The following SEMA6D variants were observed in gnomAD, a reference collection of about 807,000 sequenced individuals.
SEMA6D encodes the protein semaphorin 6D, also known as semaphorin-6D.
In SEMA6D, 35 loss-of-function variants were observed where a neutral mutation model predicts 106.6. That is an observed-to-expected ratio of 0.33 (90% CI 0.25 to 0.44). SEMA6D has a LOEUF of 0.44. SEMA6D is among the 20% of genes least tolerant of loss of function. The pLI is 1.00. For missense variants in SEMA6D, 1,185 were observed against 1,345.9 expected, an observed-to-expected ratio of 0.88 and a Z score of 1.87; for synonymous variants, 499 against 487.7, an observed-to-expected ratio of 1.02 and a Z score of -0.31.
At chr15:47,206,769 A>G (rs970816537) in intron 1 of SEMA6D, among the ~76,000 whole-genome samples, 9 of 152,048 alleles carry the variant, frequency 5.9e-5, no homozygotes, top group South Asian at 2.1e-4. Context: ...CACTTAGCCA[A>G]CGGCATTCCT....
At chr15:47,247,274 A>G (rs774792338) in intron 1 of SEMA6D, among the ~76,000 whole-genome samples, 18 of 152,192 alleles carry the variant, frequency 1.2e-4, no homozygotes, top group South Asian at 2.1e-4. Context: ...AAGGTATTTC[A>G]TGCAGGTTAT....
chr15:47,610,970 G>A (rs886544928), intron 4 of SEMA6D, among the ~76,000 whole-genome samples: 6 of 152,164 alleles, frequency 3.9e-5, no homozygotes, highest in South Asian at 2.1e-4. Flanking sequence ...TATGCTCAGA[G>A]CATATGTCTT....
intron 2 of SEMA6D, among the ~76,000 whole-genome samples, chr15:47,414,308 A>G (rs887765079): frequency 6.6e-6 from 1 of 152,202 alleles, no homozygotes; most frequent in Non-Finnish European, 1.5e-5. Flanking sequence ...CCTAACTTCT[A>G]TACATAAGTC....
At position 47,763,045 on chromosome 15, in the gene SEMA6D, G is replaced by T; in HGVS notation, c.688G>T (p.Gly230Ter). The T allele has an allele frequency of 1.2e-6, 2 of 1,611,590 alleles. No individual in the cohort carries two copies. The highest frequency in any genetic ancestry group is 1.7e-6 in the Non-Finnish European group (2 of 1,178,842). Residue 230 changes from glycine (G) to a stop codon, truncating the protein, a stop_gained, in exon 9 of 19, where the codon GGA (glycine) becomes TGA (stop). Coordinates refer to ENST00000536845, the MANE Select transcript of SEMA6D (RefSeq NM_001358351.3). LOFTEE classifies it high-confidence loss of function. ...ACACTTTCTTCATGCCATAGAATAT[G>T]GAAACTATGTCTATTTCTTCTTTCG... ...EPHFLHAIEY[G>*]NYVYFFFREI...
At chr15:47,281,721 T>C (rs186564763) in intron 1 of SEMA6D, among the ~76,000 whole-genome samples, 1 of 152,154 alleles carries the variant, frequency 6.6e-6, no homozygotes, top group Non-Finnish European at 1.5e-5. Context: ...AATGTTAACA[T>C]AAATTTTATT....
chr15:47,255,340 T>A (rs2033748810), intron 1 of SEMA6D, among the ~76,000 whole-genome samples: 1 of 152,072 alleles, frequency 6.6e-6, no homozygotes, highest in Admixed American at 6.5e-5. Context: ...TCTTTTTTTC[T>A]TAGTGTAGCT....
chr15:47,471,927 TCTCTCACACA>T (rs1236417733), intron 3 of SEMA6D, among the ~76,000 whole-genome samples: 16 of 113,956 alleles, frequency 1.4e-4, no homozygotes, highest in African/African-American at 4.5e-4. Flanking sequence ...TCTCTCTCTC[TCTCTCACACA>T]CACACACACA....
chr15:47,454,433 AATAG>A (rs2042282681), intron 2 of SEMA6D, among the ~76,000 whole-genome samples: 2 of 151,998 alleles, frequency 1.3e-5, no homozygotes, highest in Non-Finnish European at 1.5e-5. Context: ...TTTCTGGGGC[AATAG>A]ATAGATCGCT....
chr15:47,322,860 A>G (rs2036976115), intron 1 of SEMA6D, among the ~76,000 whole-genome samples: 2 of 152,194 alleles, frequency 1.3e-5, no homozygotes, highest in African/African-American at 4.8e-5. Flanking sequence ...CTAAGAGAAC[A>G]TATTTCTATG....
intron 3 of SEMA6D, among the ~76,000 whole-genome samples, chr15:47,581,134 G>T (rs2076247628): frequency 6.6e-6 from 1 of 152,094 alleles, no homozygotes; most frequent in Admixed American, 6.5e-5. Flanking sequence ...CTTTTTCAGG[G>T]TACAGTAGTA....
chr15:47,644,789 CAG>C (rs1414175392), intron 4 of SEMA6D, among the ~76,000 whole-genome samples: 2 of 152,198 alleles, frequency 1.3e-5, no homozygotes, highest in Non-Finnish European at 2.9e-5. Context: ...CAAACTAAGA[CAG>C]GGGCTTTCCC....
At chr15:47,378,379 C>A (rs2039522391) in intron 1 of SEMA6D, among the ~76,000 whole-genome samples, 1 of 152,130 alleles carries the variant, frequency 6.6e-6, no homozygotes. Context: ...GCCTGTAATC[C>A]CACCTACTAA....
chr15:47,196,491 T>G (rs929752253), intron 1 of SEMA6D, among the ~76,000 whole-genome samples: 23 of 152,160 alleles, frequency 1.5e-4, no homozygotes, highest in African/African-American at 4.6e-4. Flanking sequence ...CCCTAAAATA[T>G]GGGGAAATTG....
intron 1 of SEMA6D, among the ~76,000 whole-genome samples, chr15:47,268,021 G>T (rs1358016826): frequency 2.6e-5 from 4 of 152,034 alleles, no homozygotes; most frequent in African/African-American, 9.7e-5. Context: ...AGATATACTG[G>T]TGTTATCTGG....
intron 1 of SEMA6D, among the ~76,000 whole-genome samples, chr15:47,381,761 T>C (rs983153930): frequency 2.6e-5 from 4 of 152,184 alleles, no homozygotes; most frequent in African/African-American, 9.7e-5. Flanking sequence ...ATAGGAAATA[T>C]GAGTTTTAAA....
At chr15:47,339,499 G>T (rs181213693) in intron 1 of SEMA6D, among the ~76,000 whole-genome samples, 1 of 152,308 alleles carries the variant, frequency 6.6e-6, no homozygotes, top group East Asian at 1.9e-4. Context: ...TTGTTGTGGT[G>T]TGAGAGCAGA....
At chr15:47,256,618 C>T (rs1470749342) in intron 1 of SEMA6D, among the ~76,000 whole-genome samples, 2 of 152,006 alleles carry the variant, frequency 1.3e-5, no homozygotes, top group African/African-American at 2.4e-5. Context: ...CTCAGCACTT[C>T]GGGAGGCCGA....
chr15:47,335,953 C>T (rs990928377), intron 1 of SEMA6D, among the ~76,000 whole-genome samples: 4 of 152,152 alleles, frequency 2.6e-5, no homozygotes, highest in Non-Finnish European at 5.9e-5. Flanking sequence ...GCCATATTCC[C>T]TCCAGTATGG....
At chr15:47,347,762 C>T (rs1309252527) in intron 1 of SEMA6D, among the ~76,000 whole-genome samples, 1 of 152,040 alleles carries the variant, frequency 6.6e-6, no homozygotes, top group East Asian at 1.9e-4. Flanking sequence ...ACAAGTGGTC[C>T]CAGATTCACT....
Sources: allele counts gnomAD v4.1 joint callset (sites outside exome capture counted in the v4.1 genomes callset), GRCh38; gene constraint gnomAD v4.1.1; transcripts MANE v1.5; gene names NCBI Gene and HGNC (gene_info 2026-07-23, HGNC 2026-07-21).